The following ADAMTS17 variants were observed in gnomAD, a reference collection of about 807,000 sequenced individuals.
The protein encoded by ADAMTS17 is A disintegrin and metalloproteinase with thrombospondin motifs 17.
ADAMTS17 carries 113 observed loss-of-function variants against 141.5 expected under a neutral mutation model. The ratio of observed to expected loss-of-function variants is 0.80; its 90% CI spans 0.69 to 0.93. The LOEUF (loss-of-function observed/expected upper bound fraction) is 0.93, where lower values mean the gene tolerates loss of function less well. Ranked by LOEUF, ADAMTS17 falls within the 40% of genes least tolerant of loss-of-function variation. ADAMTS17 has a pLI of 0.00. For synonymous variants in ADAMTS17, 768 were observed against 630.6 expected (o/e 1.22, Z -3.27); for missense variants, 1,659 against 1,517.9 (o/e 1.09, Z -1.54).
chr15:100,038,790 C>T (rs887132774), intron 18 of ADAMTS17, among the ~76,000 whole-genome samples: 8 of 152,198 alleles, frequency 5.3e-5, no homozygotes, highest in Non-Finnish European at 1.2e-4. Context: ...TCTATTCAAA[C>T]ATGGATGCAT....
intron 3 of ADAMTS17, among the ~76,000 whole-genome samples, chr15:100,290,478 G>A (rs747000911): frequency 8.5e-5 from 13 of 152,266 alleles, no homozygotes; most frequent in Non-Finnish European, 1.8e-4. Context: ...AACTACCAAA[G>A]ACATTCTTCA....
At chr15:99,980,957 G>A (rs1049694568) in intron 20 of ADAMTS17, among the ~76,000 whole-genome samples, 7 of 152,200 alleles carry the variant, frequency 4.6e-5, no homozygotes, top group African/African-American at 1.7e-4. Flanking sequence ...TCTTCCCAGT[G>A]GACCCCTCGT....
intron 3 of ADAMTS17, among the ~76,000 whole-genome samples, chr15:100,319,828 G>A (rs2045676559): frequency 6.6e-6 from 1 of 152,198 alleles, no homozygotes; most frequent in Non-Finnish European, 1.5e-5. Flanking sequence ...CACTCAGGAG[G>A]CTGAGGCAGG....
At position 100,262,332 on chromosome 15, in the gene ADAMTS17, A is replaced by G; in HGVS notation, c.873+20T>C. ...CAGCCACATTTTCTGCTTGCTTGAA[A>G]GGTGCCTGTGGGGACTTACGGGACG... On this transcript the variant is annotated intron_variant, in intron 5 of 21. Coordinates refer to ENST00000268070, the MANE Select transcript of ADAMTS17 (RefSeq NM_139057.4). 1 of 1,610,598 alleles carries G rather than the reference A, an allele frequency of 6.2e-7. No individual in the cohort carries two copies. The highest frequency in any genetic ancestry group is 8.5e-7 in the Non-Finnish European group (1 of 1,177,188).
intron 2 of ADAMTS17, among the ~76,000 whole-genome samples, chr15:100,339,406 T>C (rs1184015836): frequency 6.6e-6 from 1 of 152,214 alleles, no homozygotes; most frequent in African/African-American, 2.4e-5. Flanking sequence ...TGTTTCCATG[T>C]ACAGTACAAT....
At chr15:100,046,056 T>C (rs2031657460) in intron 18 of ADAMTS17, among the ~76,000 whole-genome samples, 1 of 152,136 alleles carries the variant, frequency 6.6e-6, no homozygotes, top group Non-Finnish European at 1.5e-5. Flanking sequence ...AATTTTTGTA[T>C]TTTTAGTACA....
Position 100,234,568 on chromosome 15 carries a change from G to A in ADAMTS17, c.1075+19568C>T, listed in dbSNP as rs143669498. ...CAGGGTGCGCAAAGCTGGGTTTGGGGGAAAACGACTCCTTGGTCCAACACG... is the reference window on the plus strand; with the variant it reads ...CAGGGTGCGCAAAGCTGGGTTTGGGAGAAAACGACTCCTTGGTCCAACACG... On this transcript the variant is annotated intron_variant, in intron 7 of 21. Transcript: ENST00000268070. Among the ~76,000 whole-genome samples, 82 of 152,310 alleles carry A rather than the reference G, an allele frequency of 5.4e-4. No individual in the cohort carries two copies. The East Asian group carries it at 0.014, about 26-fold the overall frequency.
intron 7 of ADAMTS17, among the ~76,000 whole-genome samples, chr15:100,241,084 A>G (rs2042814190): frequency 6.6e-6 from 1 of 152,302 alleles, no homozygotes; most frequent in East Asian, 1.9e-4. Context: ...TTGGTCTCCC[A>G]AAGTGCTGGG....
chr15:100,264,714 AC>A (rs768497812), intron 4 of ADAMTS17, among the ~76,000 whole-genome samples: 1 of 151,932 alleles, frequency 6.6e-6, no homozygotes, highest in Non-Finnish European at 1.5e-5. Context: ...CACCCCATAC[AC>A]CATTAGCCCA....
chr15:100,179,732 C>G (rs1485738380), intron 8 of ADAMTS17, among the ~76,000 whole-genome samples: 1 of 152,118 alleles, frequency 6.6e-6, no homozygotes, highest in Non-Finnish European at 1.5e-5. Flanking sequence ...TGGATAAAAG[C>G]CTTTATAACT....
chr15:100,135,313 T>G (rs1297339952), intron 10 of ADAMTS17, among the ~76,000 whole-genome samples: 1 of 151,198 alleles, frequency 6.6e-6, no homozygotes, highest in Non-Finnish European at 1.5e-5. Flanking sequence ...AGACAGAGTC[T>G]CGCTCTGTCG....
At chr15:100,001,769 G>A (rs942836406) in intron 18 of ADAMTS17, among the ~76,000 whole-genome samples, 11 of 152,004 alleles carry the variant, frequency 7.2e-5, no homozygotes, top group East Asian at 3.9e-4. Context: ...TTAGGAGTTC[G>A]AGATCAGCCT....
intron 7 of ADAMTS17, among the ~76,000 whole-genome samples, chr15:100,205,360 C>G (rs765207661): frequency 8.5e-5 from 13 of 152,140 alleles, no homozygotes; most frequent in South Asian, 2.1e-4. Context: ...CTGCTAGAAA[C>G]CAAAACATGC....
chr15:100,292,054 G>C (rs2044642613), intron 3 of ADAMTS17, among the ~76,000 whole-genome samples: 1 of 151,550 alleles, frequency 6.6e-6, no homozygotes, highest in Non-Finnish European at 1.5e-5. Context: ...CAGCCCGTGG[G>C]GAGTCACGAG....
At chr15:100,262,587 T>G in intron 4 of ADAMTS17, 152 bp from the exon 5 acceptor site, 1 of 583,456 alleles carries the variant, frequency 1.7e-6, no homozygotes, top group Non-Finnish European at 2.9e-6. Flanking sequence ...TAACACTGTA[T>G]CAGTATTGGT....
intron 8 of ADAMTS17, among the ~76,000 whole-genome samples, chr15:100,180,367 T>C (rs543433227): frequency 6.6e-6 from 1 of 152,326 alleles, no homozygotes; most frequent in African/African-American, 2.4e-5. Context: ...TTCTGTTCCA[T>C]TGCTCTGTGT....
At chr15:100,076,865 A>G (rs2034414239) in intron 15 of ADAMTS17, among the ~76,000 whole-genome samples, 1 of 152,188 alleles carries the variant, frequency 6.6e-6, no homozygotes, top group African/African-American at 2.4e-5. Flanking sequence ...ATATCATACT[A>G]CATTTGCAAT....
At chr15:100,143,499 T>C (rs2038756164) in intron 10 of ADAMTS17, among the ~76,000 whole-genome samples, 1 of 152,258 alleles carries the variant, frequency 6.6e-6, no homozygotes, top group African/African-American at 2.4e-5. Context: ...GTTTGGACTT[T>C]CTTGAAATGC....
chr15:100,162,220 T>C (rs1315057744), intron 8 of ADAMTS17, among the ~76,000 whole-genome samples: 1 of 152,010 alleles, frequency 6.6e-6, no homozygotes, highest in Non-Finnish European at 1.5e-5. Flanking sequence ...AATTCTTGAA[T>C]CTATATACAT....
Sources: gnomAD v4.1 joint callset for allele counts (sites outside exome capture counted in the v4.1 genomes callset) on GRCh38, gnomAD v4.1.1 for gene constraint, MANE v1.5 for transcripts, NCBI Gene and HGNC (gene_info 2026-07-23, HGNC 2026-07-21) for gene names.